The following HUNK variants were observed in gnomAD, a reference collection of about 807,000 sequenced individuals.
HUNK encodes the protein hormonally up-regulated Neu-associated kinase.
Under a neutral mutation model 61.0 loss-of-function variants are expected in HUNK, and 21 were observed. That is an observed-to-expected ratio of 0.34 (90% CI 0.24 to 0.50). HUNK has a LOEUF of 0.50. HUNK is among the 20% of genes least tolerant of loss of function. The pLI is 0.98. For synonymous variants in HUNK, 371 were observed against 386.1 expected, an observed-to-expected ratio of 0.96 and a Z score of 0.46; for missense variants, 772 against 945.7, an observed-to-expected ratio of 0.82 and a Z score of 2.41.
At chr21:31,933,836 G>A (rs1262026217) in intron 2 of HUNK, among the ~76,000 whole-genome samples, 1 of 151,880 alleles carries the variant, frequency 6.6e-6, no homozygotes, top group East Asian at 1.9e-4. Flanking sequence ...ATGCCACAGG[G>A]GGAGCTCTTC....
chr21:31,876,102 C>G (rs2052260382), intron 1 of HUNK, among the ~76,000 whole-genome samples: 1 of 152,194 alleles, frequency 6.6e-6, no homozygotes, highest in African/African-American at 2.4e-5. Context: ...TCCCTCCCAT[C>G]TTATGTTTCT....
chr21:31,888,392 G>C (rs888344852), intron 1 of HUNK, among the ~76,000 whole-genome samples: 3 of 152,162 alleles, frequency 2.0e-5, no homozygotes, highest in Admixed American at 1.3e-4. Context: ...ATGTAGTACA[G>C]ATCTACCATC....
intron 1 of HUNK, among the ~76,000 whole-genome samples, chr21:31,921,432 G>A (rs2052621897): frequency 6.6e-6 from 1 of 151,880 alleles, no homozygotes; most frequent in Admixed American, 6.6e-5. Flanking sequence ...GAAGGACCTG[G>A]GGTTGGGGGC....
Position 31,873,934 on chromosome 21 carries a change from A to G in HUNK, c.260A>G (p.Lys87Arg). Residue 87 changes from lysine (K) to arginine (R), a missense_variant and splice_region_variant, in exon 1 of 11, where the codon AAG becomes AGG. By Grantham distance (26) the Lys-to-Arg change is conservative. Coordinates refer to ENST00000270112, the MANE Select transcript of HUNK (RefSeq NM_014586.2). This position sits in a 1 kb window ranked among gnomAD's most constrained non-coding sequence, Gnocchi z 6.1. ...REGLHVLTGE[K>R]VAIKVIDKKR... The stretch of plus-strand genomic sequence containing the variant: ...GGGCTGCACGTGCTGACCGGGGAGA[A>G]GGTGAGTCTCCCGGGCGCCGTGGGG... 6.5e-7 allele frequency: 1 copy of G among 1,531,830 alleles called. No individual in the cohort carries two copies. Among genetic ancestry groups the G allele is most frequent in the Non-Finnish European group, 8.8e-7 (1 of 1,141,522 alleles). 94.9% of individuals were successfully genotyped at this position (1,531,830 alleles called of 1,614,324 possible). A position where few individuals can be genotyped will look rare whatever the true frequency, so the allele number is the denominator to read the frequency against.
Position 32,000,983 on chromosome 21 carries a change from G to A in HUNK, c.*1799G>A, listed in dbSNP as rs1159731282. The A allele has an allele frequency of 1.1e-5, 4 of 359,100 alleles. No individual in the cohort carries two copies. The highest frequency in any genetic ancestry group is 2.0e-5 in the Non-Finnish European group (4 of 201,952). 22.2% of individuals were successfully genotyped at this position (359,100 alleles called of 1,614,324 possible). ...TCCAGAACTTACCATTGAAAACAGA[G>A]CTTTTAGGCCAGGTGTGGTGGCTCA... On this transcript the variant is annotated 3_prime_UTR_variant, in exon 11 of 11. Coordinates refer to ENST00000270112, the MANE Select transcript of HUNK (RefSeq NM_014586.2).
chr21:31,940,674 A>G (rs2052763017), intron 3 of HUNK, among the ~76,000 whole-genome samples: 1 of 152,184 alleles, frequency 6.6e-6, no homozygotes, highest in African/African-American at 2.4e-5. Context: ...CAAAGGGATA[A>G]TTAGAAGTCT....
intron 5 of HUNK, among the ~76,000 whole-genome samples, chr21:31,963,200 G>A (rs2123844501): frequency 6.6e-6 from 1 of 152,320 alleles, no homozygotes; most frequent in East Asian, 1.9e-4. Flanking sequence ...TTCATGTGGT[G>A]TTGTTTTTAT....
intron 2 of HUNK, among the ~76,000 whole-genome samples, chr21:31,929,717 A>G (rs2123819894): frequency 6.6e-6 from 1 of 152,372 alleles, no homozygotes; most frequent in East Asian, 1.9e-4. Context: ...CACATGATCA[A>G]AGGGAGCCCG....
chr21:31,883,045 C>T (rs1242050039), intron 1 of HUNK, among the ~76,000 whole-genome samples: 1 of 151,566 alleles, frequency 6.6e-6, no homozygotes, highest in Non-Finnish European at 1.5e-5. Context: ...TATTCTCAAA[C>T]CATACTTCAG....
intron 1 of HUNK, among the ~76,000 whole-genome samples, chr21:31,880,354 A>C (rs923469389): frequency 2.0e-5 from 3 of 152,086 alleles, no homozygotes; most frequent in African/African-American, 7.2e-5. Context: ...CAACAACAGA[A>C]ATTTATTCTG....
intron 7 of HUNK, among the ~76,000 whole-genome samples, chr21:31,977,184 C>T (rs1248259942): frequency 3.9e-5 from 6 of 152,106 alleles, no homozygotes; most frequent in Non-Finnish European, 8.8e-5. Context: ...ATGTTACATG[C>T]TTATAATTTA....
At chr21:31,886,809 C>A (rs2052349750) in intron 1 of HUNK, among the ~76,000 whole-genome samples, 2 of 152,090 alleles carry the variant, frequency 1.3e-5, no homozygotes, top group African/African-American at 4.8e-5. Flanking sequence ...CCACGCCCAG[C>A]TAATTTTTGT....
At chr21:31,986,429 C>T (rs2053133679) in intron 8 of HUNK, among the ~76,000 whole-genome samples, 1 of 152,152 alleles carries the variant, frequency 6.6e-6, no homozygotes, top group South Asian at 2.1e-4. Flanking sequence ...CTGCTATGCC[C>T]TCCTAACCGA....
chr21:31,908,447 C>A (rs946978634), intron 1 of HUNK, among the ~76,000 whole-genome samples: 1 of 151,874 alleles, frequency 6.6e-6, no homozygotes, highest in Non-Finnish European at 1.5e-5. Flanking sequence ...CAGGAAGGAA[C>A]CTTTCGGAGG....
At chr21:31,971,409 ATGT>A (rs1298025830) in intron 6 of HUNK, among the ~76,000 whole-genome samples, 1 of 152,150 alleles carries the variant, frequency 6.6e-6, no homozygotes, top group Non-Finnish European at 1.5e-5. Flanking sequence ...GGGGAGGTAC[ATGT>A]TATTTACAGT....
rs77730634 is a variant in HUNK, at chr21:31,924,149, A to T, written c.262-319A>T. Among the ~76,000 whole-genome samples, 2,807 of 152,262 alleles carry T rather than the reference A, an allele frequency of 0.018. 118 individuals carry two copies. Among genetic ancestry groups the T allele is most frequent in the East Asian group, 0.15 (755 of 5,166 alleles). On this transcript the variant is annotated intron_variant, in intron 1 of 10. Coordinates refer to ENST00000270112, the MANE Select transcript of HUNK (RefSeq NM_014586.2). This position sits in a 1 kb window ranked among gnomAD's most constrained non-coding sequence, Gnocchi z 5.1. ...TCATCTTCCCATCCTGTAGAAAAATAAATTTGACATTAATCCTGCACTGTG... is the reference window on the plus strand; with the variant it reads ...TCATCTTCCCATCCTGTAGAAAAATTAATTTGACATTAATCCTGCACTGTG...
intron 2 of HUNK, among the ~76,000 whole-genome samples, chr21:31,927,828 G>C (rs1037352436): frequency 2.0e-5 from 3 of 152,110 alleles, no homozygotes; most frequent in Non-Finnish European, 4.4e-5. Context: ...CTTTTCTAGA[G>C]CCAGCCTTGG....
At chr21:31,960,606 T>C (rs79463948) in intron 5 of HUNK, among the ~76,000 whole-genome samples, 13,896 of 151,048 alleles carry the variant, frequency 0.092, 830 homozygotes, top group South Asian at 0.19. Context: ...GGAGGCCTCA[T>C]AATCATGGTG....
intron 1 of HUNK, among the ~76,000 whole-genome samples, chr21:31,905,235 A>T (rs1213152358): frequency 6.6e-6 from 1 of 152,146 alleles, no homozygotes; most frequent in Non-Finnish European, 1.5e-5. Flanking sequence ...GTAATAGGAA[A>T]TAGATTATTA....
Sources: gnomAD v4.1 joint callset for allele counts (sites outside exome capture counted in the v4.1 genomes callset) on GRCh38, gnomAD v4.1.1 for gene constraint, Gnocchi (gnomAD v3.1) non-coding constraint, MANE v1.5 for transcripts, NCBI Gene and HGNC (gene_info 2026-07-23, HGNC 2026-07-21) for gene names.